The following TSPAN19 variants were observed in gnomAD, a reference collection of about 807,000 sequenced individuals.
TSPAN19 encodes the protein tetraspanin-19.
A neutral mutation model predicts 35.1 loss-of-function variants in TSPAN19; 44 were observed. That is an observed-to-expected ratio of 1.25 (90% confidence interval 0.98 to 1.61). TSPAN19 has a LOEUF of 1.61. Ranked by LOEUF, TSPAN19 falls within the 40% of genes most tolerant of loss-of-function variation. The pLI, the probability that TSPAN19 is intolerant of heterozygous loss-of-function variation, is 0.00. For missense variants in TSPAN19, 290 were observed against 280.0 expected (o/e 1.04, Z -0.26); for synonymous variants, 79 against 92.0 (o/e 0.86, Z 0.81).
chr12:85,017,744 G>A, intron 6 of TSPAN19, 145 bp from the exon 7 acceptor site: 1 of 607,364 alleles, frequency 1.6e-6, no homozygotes, highest in Non-Finnish European at 2.8e-6. Flanking sequence ...AAGTATATCT[G>A]TGCTTGTTTA....
intron 5 of TSPAN19, 144 bp downstream of exon 5, chr12:85,023,182 G>A (rs779641175): frequency 2.9e-6 from 2 of 688,078 alleles, no homozygotes; most frequent in Non-Finnish European, 4.8e-6. Flanking sequence ...CTATACTCTA[G>A]TACTTTTGTT....
intron 4 of TSPAN19, among the ~76,000 whole-genome samples, chr12:85,024,076 A>C (rs1298154363): frequency 6.6e-6 from 1 of 152,238 alleles, no homozygotes; most frequent in Non-Finnish European, 1.5e-5. Context: ...CTACCAGTTC[A>C]TTCTGTGAGG....
chr12:85,017,320 G>A, intron 7 of TSPAN19, 136 bp downstream of exon 7: 1 of 727,862 alleles, frequency 1.4e-6, no homozygotes, highest in Non-Finnish European at 2.3e-6. Flanking sequence ...GTTCAACTTA[G>A]GGAAGTGGAT....
At chr12:85,018,746 G>T (rs770579857) in intron 6 of TSPAN19, among the ~76,000 whole-genome samples, 14 of 151,872 alleles carry the variant, frequency 9.2e-5, no homozygotes, top group Non-Finnish European at 1.5e-4. Context: ...GATTGTGTGG[G>T]TTTGAATCTT....
intron 1 of TSPAN19, chr12:85,035,019 G>C (rs965199844): frequency 2.6e-5 from 4 of 152,050 alleles, no homozygotes; most frequent in Non-Finnish European, 4.4e-5. Context: ...TAGAAGTCTG[G>C]ATAGTTTCAC....
intron 6 of TSPAN19, 76 bp from the exon 7 acceptor site, chr12:85,017,675 G>A: frequency 8.7e-7 from 1 of 1,153,292 alleles, no homozygotes; most frequent in South Asian, 1.7e-5. Flanking sequence ...ATATTGAAGT[G>A]GTTTTTGTGA....
intron 1 of TSPAN19, 51 bp from the exon 2 acceptor site, chr12:85,030,024 A>G: frequency 7.9e-7 from 1 of 1,262,650 alleles, no homozygotes; most frequent in Non-Finnish European, 1.1e-6. Context: ...AACTTTAAAT[A>G]TTTCTCCCTA....
At chr12:85,015,699 T>C (rs1012264922) in intron 8 of TSPAN19, 189 bp downstream of exon 8, 2 of 464,224 alleles carry the variant, frequency 4.3e-6, no homozygotes, top group Non-Finnish European at 7.5e-6. Flanking sequence ...GGATGACCAC[T>C]TATTAATAGG....
chr12:85,023,280 A>G, intron 5 of TSPAN19, 46 bp downstream of exon 5: 1 of 1,493,476 alleles, frequency 6.7e-7, no homozygotes. Flanking sequence ...AATTTCCTTT[A>G]AACTTCAAAT....
At chr12:85,026,732 G>T (rs1459708240) in intron 4 of TSPAN19, among the ~76,000 whole-genome samples, 1 of 152,036 alleles carries the variant, frequency 6.6e-6, no homozygotes, top group African/African-American at 2.4e-5. Flanking sequence ...TCACAAAAGG[G>T]TTTCACTGAT....
At chr12:85,027,462 C>A (rs966563142) in intron 4 of TSPAN19, among the ~76,000 whole-genome samples, 1 of 152,096 alleles carries the variant, frequency 6.6e-6, no homozygotes, top group Admixed American at 6.6e-5. Flanking sequence ...TAAAAAAATA[C>A]ATACATACAT....
At chr12:85,022,624 G>A (rs910792318) in intron 5 of TSPAN19, among the ~76,000 whole-genome samples, 1 of 152,024 alleles carries the variant, frequency 6.6e-6, no homozygotes, top group Non-Finnish European at 1.5e-5. Context: ...AAGCAAGTTG[G>A]TGATCCCTAA....
chr12:85,032,145 T>C (rs1877715138), intron 1 of TSPAN19, among the ~76,000 whole-genome samples: 1 of 152,056 alleles, frequency 6.6e-6, no homozygotes, highest in South Asian at 2.1e-4. Context: ...AAATTTGAAT[T>C]GGTAAAGAAT....
At chr12:85,017,295 T>A (rs919295738) in intron 7 of TSPAN19, 161 bp downstream of exon 7, 11 of 621,058 alleles carry the variant, frequency 1.8e-5, no homozygotes, top group Non-Finnish European at 3.1e-5. Flanking sequence ...GACACTACAA[T>A]TTACCTAATT....
At chr12:85,029,140 G>T (rs1319021350) in intron 3 of TSPAN19, among the ~76,000 whole-genome samples, 1 of 152,066 alleles carries the variant, frequency 6.6e-6, no homozygotes, top group Non-Finnish European at 1.5e-5. Context: ...CATGTGGATA[G>T]GAACTTTATT....
intron 4 of TSPAN19, among the ~76,000 whole-genome samples, chr12:85,025,686 C>T (rs1459255783): frequency 2.0e-5 from 3 of 151,924 alleles, no homozygotes; most frequent in South Asian, 2.1e-4. Flanking sequence ...CCATCATGCC[C>T]GGCTAATTTT....
chr12:85,014,613 CAA>C, intron 8 of TSPAN19, 58 bp from the exon 9 acceptor site: 2 of 1,303,084 alleles, frequency 1.5e-6, no homozygotes, highest in South Asian at 2.6e-5. Flanking sequence ...GAGTAATTTG[CAA>C]AGTTAACAAT....
chr12:85,014,718 G>GT (rs902566296), intron 8 of TSPAN19, 163 bp from the exon 9 acceptor site: 1 of 492,376 alleles, frequency 2.0e-6, no homozygotes, highest in Non-Finnish European at 3.6e-6. Flanking sequence ...TGAATAGGAA[G>GT]TCTGCAAAAT....
At chr12:85,026,924 A>G (rs1877445513) in intron 4 of TSPAN19, among the ~76,000 whole-genome samples, 1 of 152,176 alleles carries the variant, frequency 6.6e-6, no homozygotes, top group Non-Finnish European at 1.5e-5. Context: ...TCAGTGCTCC[A>G]TAAAAGCTGA....
Sources: allele counts gnomAD v4.1 joint callset (sites outside exome capture counted in the v4.1 genomes callset), GRCh38; gene constraint gnomAD v4.1.1; transcripts MANE v1.5; gene names NCBI Gene and HGNC (gene_info 2026-07-23, HGNC 2026-07-21).